PRKN: variants seen among roughly 807,000 people sequenced by gnomAD.
PRKN encodes the protein parkin RBR E3 ubiquitin protein ligase.
In PRKN, 56 loss-of-function variants were observed where a neutral mutation model predicts 59.5. That is an observed-to-expected ratio of 0.94 (90% CI 0.76 to 1.18). The LOEUF (loss-of-function observed/expected upper bound fraction) is 1.18, where lower values mean the gene tolerates loss of function less well. Among genes scored for constraint, PRKN ranks in the 50% most tolerant of loss-of-function variants. The pLI is 0.00. For missense variants in PRKN, 657 were observed against 596.4 expected, an observed-to-expected ratio of 1.10 and a Z score of -1.06; for synonymous variants, 250 against 222.1, an observed-to-expected ratio of 1.13 and a Z score of -1.12.
intron 5 of PRKN, among the ~76,000 whole-genome samples, chr6:162,019,655 C>T (rs1893895): frequency 0.26 from 39,386 of 152,030 alleles, 5,904 homozygotes; most frequent in East Asian, 0.53. Context: ...CCTTGGTCCA[C>T]GCTTTGTTAG....
At chr6:162,200,140 T>C (rs1345038060) in intron 4 of PRKN, among the ~76,000 whole-genome samples, 3 of 152,130 alleles carry the variant, frequency 2.0e-5, no homozygotes, top group Non-Finnish European at 2.9e-5. Context: ...CTGGGGTATT[T>C]ACCCACACTT....
At chr6:161,873,057 TGGAACA>T (rs1794409875) in intron 6 of PRKN, among the ~76,000 whole-genome samples, 1 of 151,106 alleles carries the variant, frequency 6.6e-6, no homozygotes, top group South Asian at 2.1e-4. Flanking sequence ...GCTGGGAGCT[TGGAACA>T]GGGGATCGAT....
chr6:162,563,590 C>T lies in PRKN; in HGVS notation c.8-120117G>A, dbSNP rs182823026. The stretch of plus-strand genomic sequence containing the variant: ...AGTGAAGACTAAAATAAGTACCCAA[C>T]TCTTCAATGCCCAGACACCAAAGAA... On this transcript the variant is annotated intron_variant, in intron 1 of 11. Transcript: ENST00000366898. 2.0e-5 allele frequency among the ~76,000 whole-genome samples: 3 copies of T among 152,300 alleles called. No individual in the cohort carries two copies. The East Asian group carries it at 5.8e-4, about 29-fold the overall frequency.
intron 7 of PRKN, among the ~76,000 whole-genome samples, chr6:161,784,951 A>T (rs937135145): frequency 6.6e-6 from 1 of 152,250 alleles, no homozygotes; most frequent in Non-Finnish European, 1.5e-5. Flanking sequence ...ATATTCATAC[A>T]CGCTACAACT....
At chr6:161,719,067 T>C (rs1432243984) in intron 7 of PRKN, among the ~76,000 whole-genome samples, 1 of 152,106 alleles carries the variant, frequency 6.6e-6, no homozygotes, top group Non-Finnish European at 1.5e-5. Context: ...AGCTTTTAAA[T>C]GTTCCTTGAA....
In PRKN at chr6:161,499,226, T is replaced by C. The variant is rs533462158; in HGVS notation, c.1083+49628A>G. On this transcript the variant is annotated intron_variant, in intron 9 of 11. Coordinates refer to ENST00000366898, the MANE Select transcript of PRKN (RefSeq NM_004562.3). The surrounding 1 kb of genome is among the most constrained non-coding windows in gnomAD (Gnocchi z 4.2). The stretch of plus-strand genomic sequence containing the variant: ...TCAACGTAAAAGATGCATCCTAAAC[T>C]TCCCTTGCTAAAGTGAAGAATGAGG... Among the ~76,000 whole-genome samples, 128 of 151,832 alleles carry C rather than the reference T, an allele frequency of 8.4e-4. No individual in the cohort carries two copies. The highest frequency in any genetic ancestry group is 2.9e-3 in the African/African-American group (122 of 41,422).
chr6:162,227,777 G>T (rs1778244719), intron 3 of PRKN, among the ~76,000 whole-genome samples: 1 of 152,082 alleles, frequency 6.6e-6, no homozygotes, highest in Admixed American at 6.5e-5. Context: ...CTTAGTCAAA[G>T]CTGGCAAATG....
intron 5 of PRKN, among the ~76,000 whole-genome samples, chr6:162,005,787 A>G (rs553237346): frequency 6.6e-6 from 1 of 152,230 alleles, no homozygotes; most frequent in African/African-American, 2.4e-5. Context: ...GGGGGAAAAA[A>G]GTTAACTTTA....
At chr6:162,257,962 A>C (rs917785827) in intron 3 of PRKN, among the ~76,000 whole-genome samples, 1 of 152,080 alleles carries the variant, frequency 6.6e-6, no homozygotes, top group Admixed American at 6.5e-5. Context: ...TTTTTCTGAC[A>C]TCCTCTTCTC....
intron 3 of PRKN, among the ~76,000 whole-genome samples, chr6:162,234,499 A>G (rs997260538): frequency 6.6e-6 from 1 of 152,170 alleles, no homozygotes; most frequent in Non-Finnish European, 1.5e-5. Flanking sequence ...CAGGATGCCC[A>G]TGGATACGAC....
intron 4 of PRKN, among the ~76,000 whole-genome samples, chr6:162,097,726 T>C: frequency 6.6e-6 from 1 of 152,218 alleles, no homozygotes; most frequent in South Asian, 2.1e-4. Flanking sequence ...AAATTTTATA[T>C]GCATTACTCT....
At position 161,355,974 on chromosome 6, in the gene PRKN, C is replaced by G. The variant is rs1784731342; in HGVS notation, c.1285+4114G>C. 6.6e-6 allele frequency among the ~76,000 whole-genome samples: 1 copy of G among 152,126 alleles called. No homozygotes were observed. The highest frequency in any genetic ancestry group is 6.5e-5 in the Admixed American group (1 of 15,270). On this transcript the variant is annotated intron_variant, in intron 11 of 11. Coordinates refer to ENST00000366898, the MANE Select transcript of PRKN (RefSeq NM_004562.3). The surrounding 1 kb of genome is among the most constrained non-coding windows in gnomAD (Gnocchi z 6.8). ...AGGGCAGACTGGGCAGAGGAGAAGC[C>G]CAGCTCGGGCACAGCCTAAGAGGCC...
intron 7 of PRKN, among the ~76,000 whole-genome samples, chr6:161,745,705 C>T (rs1039105384): frequency 6.6e-6 from 1 of 152,100 alleles, no homozygotes; most frequent in Non-Finnish European, 1.5e-5. Context: ...AGAGAGGAGA[C>T]CCTGGGAAGG....
chr6:162,400,133 G>C (rs1787689313), intron 2 of PRKN, among the ~76,000 whole-genome samples: 1 of 152,020 alleles, frequency 6.6e-6, no homozygotes, highest in Non-Finnish European at 1.5e-5. Context: ...CTTGAACCTG[G>C]GAGGTGGAAG....
rs58587359 is a variant in PRKN, at chr6:161,499,261, G to C, written c.1083+49593C>G. On this transcript the variant is annotated intron_variant, in intron 9 of 11. Transcript: ENST00000366898. The surrounding 1 kb of genome is among the most constrained non-coding windows in gnomAD (Gnocchi z 4.2). ...AAAGTGAAGAATGAGGACACCCTGG[G>C]CCTCCACTCCTTCCCTTCAGTTGCT... Among the ~76,000 whole-genome samples the C allele has an allele frequency of 2.7e-3, 416 of 152,148 alleles. 2 individuals carry two copies. Among genetic ancestry groups the C allele is most frequent in the African/African-American group, 9.6e-3 (398 of 41,506 alleles).
At chr6:162,355,244 AAACATAATTATGTTTTAGATCTAG>A (rs1407882161) in intron 2 of PRKN, among the ~76,000 whole-genome samples, 6 of 151,046 alleles carry the variant, frequency 4.0e-5, no homozygotes, top group Admixed American at 3.3e-4. Context: ...TAGAGATCTA[AAACATAATTATGTTTTAGATCTAG>A]AACATAATTA....
chr6:162,437,898 A>G (rs1789856394), intron 2 of PRKN, among the ~76,000 whole-genome samples: 1 of 152,226 alleles, frequency 6.6e-6, no homozygotes. Context: ...ATTCATATAC[A>G]GATTTGTGTG....
chr6:162,229,596 C>T (rs1778333826), intron 3 of PRKN, among the ~76,000 whole-genome samples: 1 of 152,156 alleles, frequency 6.6e-6, no homozygotes. Context: ...CTGCCCCTGC[C>T]CCTCTCCCAG....
rs988180123 is a variant in PRKN at position 161,444,109 on chromosome 6, C to T, written c.1084-57232G>A. 2.0e-5 allele frequency among the ~76,000 whole-genome samples: 3 copies of T among 152,160 alleles called. No individual in the cohort carries two copies. Among genetic ancestry groups the T allele is most frequent in the Non-Finnish European group, 2.9e-5 (2 of 68,022 alleles). ...CCGGTGAGCTCTGGAGCTTCTGGCT[C>T]CTGGACTGGGGGACTGGGAATCGGC... On this transcript the variant is annotated intron_variant, in intron 9 of 11. Transcript: ENST00000366898. The surrounding 1 kb of genome is among the most constrained non-coding windows in gnomAD (Gnocchi z 5.6).
Sources: gnomAD v4.1 joint callset for allele counts (sites outside exome capture counted in the v4.1 genomes callset) on GRCh38, gnomAD v4.1.1 for gene constraint, Gnocchi (gnomAD v3.1) non-coding constraint, MANE v1.5 for transcripts, NCBI Gene and HGNC (gene_info 2026-07-23, HGNC 2026-07-21) for gene names.